The following ERGIC1 variants were observed in gnomAD, a reference collection of about 807,000 sequenced individuals.
ERGIC1 encodes endoplasmic reticulum-Golgi intermediate compartment protein 1.
A neutral mutation model predicts 38.3 loss-of-function variants in ERGIC1; 19 were observed. The ratio of observed to expected loss-of-function variants is 0.50; its 90% CI spans 0.35 to 0.73. The LOEUF is 0.73. Ranked by LOEUF, ERGIC1 falls within the 30% of genes least tolerant of loss-of-function variation. The probability of loss-of-function intolerance (pLI) is 0.01; values close to 1 mark genes in which losing one functional copy is unlikely to be tolerated. For synonymous variants in ERGIC1, 124 were observed against 157.6 expected (o/e 0.79, Z 1.60); for missense variants, 294 against 389.2 (o/e 0.76, Z 2.06).
intron 1 of ERGIC1, among the ~76,000 whole-genome samples, chr5:172,851,559 CA>C (rs5873343): frequency 2.1e-3 from 313 of 152,334 alleles, no homozygotes; most frequent in African/African-American, 6.9e-3. Flanking sequence ...AAATGGACCT[CA>C]GTGGCCACAT....
intron 9 of ERGIC1, among the ~76,000 whole-genome samples, chr5:172,947,248 A>G (rs1764143410): frequency 6.6e-6 from 1 of 151,802 alleles, no homozygotes; most frequent in African/African-American, 2.4e-5. Context: ...GCAGTGGTGC[A>G]ATCATAGCTC....
intron 1 of ERGIC1, among the ~76,000 whole-genome samples, chr5:172,848,795 G>A (rs1761338439): frequency 6.6e-6 from 1 of 152,208 alleles, no homozygotes; most frequent in East Asian, 1.9e-4. Flanking sequence ...AAGAATGGAG[G>A]ACTTCATTGC....
intron 1 of ERGIC1, among the ~76,000 whole-genome samples, chr5:172,853,224 T>C (rs1401756614): frequency 6.6e-6 from 1 of 152,188 alleles, no homozygotes. Context: ...CCCCAGTGAC[T>C]GGTGAGCGGC....
At chr5:172,932,388 C>T (rs1191591915) in intron 7 of ERGIC1, 48 bp from the exon 8 acceptor site, 4 of 1,579,908 alleles carry the variant, frequency 2.5e-6, no homozygotes, top group East Asian at 4.5e-5. Flanking sequence ...GAGCTGTCAG[C>T]GGGCAGTGCC....
At chr5:172,905,554 A>T in intron 3 of ERGIC1, 1 of 422,100 alleles carries the variant, frequency 2.4e-6, no homozygotes, top group South Asian at 1.6e-5. Flanking sequence ...CAGCTCATTT[A>T]GGACAAACCC....
chr5:172,914,326 C>G (rs976546022), intron 4 of ERGIC1, among the ~76,000 whole-genome samples: 1 of 151,872 alleles, frequency 6.6e-6, no homozygotes, highest in Non-Finnish European at 1.5e-5. Flanking sequence ...TCATCAGACC[C>G]TAAGCATTTT....
At chr5:172,873,028 C>T (rs1762055766) in intron 1 of ERGIC1, among the ~76,000 whole-genome samples, 1 of 152,204 alleles carries the variant, frequency 6.6e-6, no homozygotes, top group Admixed American at 6.5e-5. Context: ...TTTTAAATCT[C>T]TGTGAAAGGC....
chr5:172,850,520 C>T (rs1056849593), intron 1 of ERGIC1, among the ~76,000 whole-genome samples: 2 of 151,846 alleles, frequency 1.3e-5, no homozygotes, highest in Non-Finnish European at 2.9e-5. Context: ...CCGTGTAGTG[C>T]GGAGAGGCCT....
intron 1 of ERGIC1, chr5:172,867,180 T>C (rs1454703926): frequency 2.2e-6 from 1 of 455,698 alleles, no homozygotes; most frequent in African/African-American, 2.0e-5. Context: ...CCACCTTGGG[T>C]GACCTTTATC....
chr5:172,880,711 G>A (rs1337926499), intron 1 of ERGIC1, among the ~76,000 whole-genome samples: 4 of 152,232 alleles, frequency 2.6e-5, no homozygotes, highest in African/African-American at 9.6e-5. Context: ...TTTCTCTTCT[G>A]TAAAGCGAAC....
chr5:172,851,295 G>A (rs191578048), intron 1 of ERGIC1, among the ~76,000 whole-genome samples: 1 of 151,726 alleles, frequency 6.6e-6, no homozygotes, highest in East Asian at 1.9e-4. Flanking sequence ...GATCACCTGA[G>A]GTCAGGAGTT....
intron 1 of ERGIC1, among the ~76,000 whole-genome samples, chr5:172,881,342 C>T (rs879694661): frequency 2.0e-5 from 3 of 152,156 alleles, no homozygotes; most frequent in Non-Finnish European, 2.9e-5. Flanking sequence ...CCAGCTTCAC[C>T]ACTGCCCATC....
At chr5:172,898,633 A>C (rs1391574815) in intron 3 of ERGIC1, 1 of 152,334 alleles carries the variant, frequency 6.6e-6, no homozygotes, top group African/African-American at 2.4e-5. Flanking sequence ...TCTCTGCTTA[A>C]TTACTACTTT....
Position 172,935,291 on chromosome 5 carries a change from T to C in ERGIC1, c.746T>C (p.Leu249Pro). 3 of 1,614,090 alleles carry C rather than the reference T, an allele frequency of 1.9e-6. No homozygotes were observed. Among genetic ancestry groups the C allele is most frequent in the South Asian group, 2.2e-5 (2 of 91,082 alleles). Residue 249 changes from leucine to proline, a missense_variant, in exon 9 of 10, where the codon CTG becomes CCG. Transcript: ENST00000393784. Reference protein sequence around the residue: ...TVKYTERRQPLYRFITTICAI... With the variant: ...TVKYTERRQPPYRFITTICAI... ...AAGTACACAGAGAGACGGCAGCCGC[T>C]GTACAGATTCATCACCACGGTGAGT...
rs1411449564 is a variant in ERGIC1 at position 172,877,438 on chromosome 5, GTGTA to G, written c.21-11259_21-11256del. The stretch of plus-strand genomic sequence containing the variant: ...TGTGTGTGTGTGTGTGTGTGTGTGT[GTGTA>G]TATATATATATATATATTTTTTTTT... On this transcript the variant is annotated intron_variant, in intron 1 of 9. Transcript: ENST00000393784. 2.6e-3 allele frequency among the ~76,000 whole-genome samples: 235 copies of G among 91,466 alleles called. 2 individuals carry two copies. Among genetic ancestry groups the G allele is most frequent in the Non-Finnish European group, 3.6e-3 (153 of 42,896 alleles). The allele number at this position is 91,466 out of a possible 152,430, so 60.0% of individuals were successfully genotyped here.
chr5:172,911,295 A>AT (rs894207469), intron 4 of ERGIC1, among the ~76,000 whole-genome samples: 7 of 151,964 alleles, frequency 4.6e-5, no homozygotes, highest in Non-Finnish European at 8.8e-5. Context: ...ATTTTTTGTT[A>AT]TTTTTTTTCT....
intron 1 of ERGIC1, among the ~76,000 whole-genome samples, chr5:172,874,418 G>C (rs1561712383): frequency 6.6e-6 from 1 of 152,140 alleles, no homozygotes; most frequent in Non-Finnish European, 1.5e-5. Context: ...AGATTCTGAG[G>C]CAGTGGTCCT....
At chr5:172,946,950 G>A (rs1447427385) in intron 9 of ERGIC1, among the ~76,000 whole-genome samples, 7 of 151,810 alleles carry the variant, frequency 4.6e-5, no homozygotes, top group East Asian at 1.9e-4. Context: ...TGGGGAGGCC[G>A]AGGCAGGCAG....
At position 172,834,387 on chromosome 5, in the gene ERGIC1, A is replaced by G; in HGVS notation, c.-27A>G. On this transcript the variant is annotated 5_prime_UTR_variant, in exon 1 of 10. Coordinates refer to ENST00000393784, the MANE Select transcript of ERGIC1 (RefSeq NM_001031711.3). This position sits in a 1 kb window ranked among gnomAD's most constrained non-coding sequence, Gnocchi z 4.1. Reference sequence around the variant, plus strand: ...CGGCGCCGCGGCCCGCCTGGCCTGCAGCGCTCCCACCCCCGGCGGCGGCAC... The same window carrying G: ...CGGCGCCGCGGCCCGCCTGGCCTGCGGCGCTCCCACCCCCGGCGGCGGCAC... The G allele has an allele frequency of 1.5e-6, 2 of 1,312,824 alleles. No individual in the cohort carries two copies. The highest frequency in any genetic ancestry group is 1.9e-6 in the Non-Finnish European group (2 of 1,028,838). The allele number at this position is 1,312,824 out of a possible 1,614,324, so 81.3% of individuals were successfully genotyped here.
Sources: gnomAD v4.1 joint callset for allele counts (sites outside exome capture counted in the v4.1 genomes callset) on GRCh38, gnomAD v4.1.1 for gene constraint, Gnocchi (gnomAD v3.1) non-coding constraint, MANE v1.5 for transcripts, NCBI Gene and HGNC (gene_info 2026-07-23, HGNC 2026-07-21) for gene names.